Variants in GPC5 observed in about 807,000 individuals in gnomAD.
GPC5 encodes the protein glypican-5.
In GPC5, 47 loss-of-function variants were observed where a neutral mutation model predicts 53.9. The observed-to-expected ratio is 0.87, with a 90% CI of 0.69 to 1.11. GPC5 has a LOEUF of 1.11. Ranked by LOEUF, GPC5 falls within the 50% of genes most tolerant of loss-of-function variation. The probability of loss-of-function intolerance (pLI) is 0.00; values close to 1 mark genes in which losing one functional copy is unlikely to be tolerated. For missense variants in GPC5, 748 were observed against 713.1 expected (o/e 1.05, Z -0.56); for synonymous variants, 286 against 263.3 (o/e 1.09, Z -0.84).
intron 5 of GPC5, among the ~76,000 whole-genome samples, chr13:91,822,879 T>C (rs1481988377): frequency 6.6e-6 from 1 of 152,194 alleles, no homozygotes; most frequent in Admixed American, 6.5e-5. Context: ...TCTTCCTCTT[T>C]ATAAAGTTTT....
At chr13:91,852,256 T>A (rs180827498) in intron 5 of GPC5, among the ~76,000 whole-genome samples, 182 of 149,266 alleles carry the variant, frequency 1.2e-3, no homozygotes, top group African/African-American at 4.1e-3. Flanking sequence ...TTTTATGTTA[T>A]TTTGTTAAAA....
chr13:92,020,914 G>A (rs1468692948), intron 6 of GPC5, among the ~76,000 whole-genome samples: 1 of 151,974 alleles, frequency 6.6e-6, no homozygotes, highest in Non-Finnish European at 1.5e-5. Flanking sequence ...TGCCAAGACC[G>A]ATGGCATGAA....
At chr13:92,198,181 A>G (rs1032829192) in intron 7 of GPC5, among the ~76,000 whole-genome samples, 4 of 152,184 alleles carry the variant, frequency 2.6e-5, no homozygotes, top group African/African-American at 7.2e-5. Context: ...ATCCCAATCT[A>G]AAAATGTCTT....
intron 6 of GPC5, among the ~76,000 whole-genome samples, chr13:92,117,016 T>C (rs1249932584): frequency 1.3e-5 from 2 of 152,224 alleles, no homozygotes; most frequent in Non-Finnish European, 2.9e-5. Flanking sequence ...GCATCTTTCG[T>C]AGAGCAAAAA....
At chr13:92,058,535 T>C (rs1053383067) in intron 6 of GPC5, among the ~76,000 whole-genome samples, 1 of 152,206 alleles carries the variant, frequency 6.6e-6, no homozygotes, top group Non-Finnish European at 1.5e-5. Context: ...ACTCAAAGTC[T>C]GTAGTTTACA....
chr13:92,277,638 GT>G (rs1178558347), intron 7 of GPC5, among the ~76,000 whole-genome samples: 2 of 151,790 alleles, frequency 1.3e-5, no homozygotes, highest in African/African-American at 4.8e-5. Flanking sequence ...TTTTTACTTT[GT>G]TTTTTATCGT....
At chr13:92,595,043 C>A (rs1324369813) in intron 7 of GPC5, among the ~76,000 whole-genome samples, 2 of 152,160 alleles carry the variant, frequency 1.3e-5, no homozygotes, top group Non-Finnish European at 2.9e-5. Flanking sequence ...ATGGCATATA[C>A]ATTTTTTTAA....
chr13:92,378,997 T>C (rs2043716848), intron 7 of GPC5, among the ~76,000 whole-genome samples: 1 of 152,218 alleles, frequency 6.6e-6, no homozygotes, highest in Non-Finnish European at 1.5e-5. Flanking sequence ...AGAGATTACA[T>C]AATAAATGTA....
chr13:91,997,654 A>T (rs1469707680), intron 6 of GPC5, among the ~76,000 whole-genome samples: 2 of 152,114 alleles, frequency 1.3e-5, no homozygotes, highest in East Asian at 1.9e-4. Flanking sequence ...GAGTAGCTGG[A>T]ATTACAGATG....
chr13:92,127,806 T>C (rs2041711637), intron 6 of GPC5, among the ~76,000 whole-genome samples: 1 of 152,214 alleles, frequency 6.6e-6, no homozygotes, highest in African/African-American at 2.4e-5. Flanking sequence ...TGATAATGAA[T>C]TATTCATGTG....
chr13:91,548,149 T>C (rs180788248), intron 2 of GPC5, among the ~76,000 whole-genome samples: 6 of 152,240 alleles, frequency 3.9e-5, no homozygotes, highest in Admixed American at 3.9e-4. Flanking sequence ...AGAAAAGACA[T>C]ATAGCTTGGG....
At chr13:92,255,106 T>C (rs1338898930) in intron 7 of GPC5, among the ~76,000 whole-genome samples, 2 of 152,200 alleles carry the variant, frequency 1.3e-5, no homozygotes, top group African/African-American at 4.8e-5. Flanking sequence ...ATAAGTTGTA[T>C]GCAAATACTA....
chr13:92,201,718 A>C (rs2042296538), intron 7 of GPC5, among the ~76,000 whole-genome samples: 1 of 152,210 alleles, frequency 6.6e-6, no homozygotes, highest in Admixed American at 6.5e-5. Flanking sequence ...ATGTCTTGAA[A>C]GAGACAAAAG....
At chr13:92,715,440 T>TTCTTCC (rs1888296636) in intron 7 of GPC5, among the ~76,000 whole-genome samples, 1 of 152,206 alleles carries the variant, frequency 6.6e-6, no homozygotes, top group Non-Finnish European at 1.5e-5. Context: ...GAAGAAGGCT[T>TTCTTCC]AGGAAGGGAA....
At chr13:92,115,641 T>C (rs1353607746) in intron 6 of GPC5, among the ~76,000 whole-genome samples, 1 of 152,198 alleles carries the variant, frequency 6.6e-6, no homozygotes, top group Non-Finnish European at 1.5e-5. Context: ...AAGGAAGTCA[T>C]CCAGCAAGCA....
intron 5 of GPC5, among the ~76,000 whole-genome samples, chr13:91,804,288 T>A (rs2038185268): frequency 6.6e-6 from 1 of 151,496 alleles, no homozygotes. Context: ...TAGTCTCTGA[T>A]CAGGATGTTT....
intron 7 of GPC5, among the ~76,000 whole-genome samples, chr13:92,280,372 T>C (rs546454033): frequency 5.9e-5 from 9 of 152,314 alleles, no homozygotes; most frequent in African/African-American, 1.4e-4. Flanking sequence ...CTAAACTCTA[T>C]TAGTTCCTTC....
chr13:92,418,710 G>T (rs907106595), intron 7 of GPC5, among the ~76,000 whole-genome samples: 2 of 152,168 alleles, frequency 1.3e-5, no homozygotes, highest in Non-Finnish European at 2.9e-5. Flanking sequence ...GAGTCTCTCA[G>T]TAATTGTTTT....
At chr13:91,620,006 A>G (rs2033809274) in intron 2 of GPC5, among the ~76,000 whole-genome samples, 1 of 152,134 alleles carries the variant, frequency 6.6e-6, no homozygotes, top group Admixed American at 6.6e-5. Context: ...AGATAAAGCT[A>G]ACATCTTGGA....
Sources: gnomAD v4.1 joint callset for allele counts (sites outside exome capture counted in the v4.1 genomes callset) on GRCh38, gnomAD v4.1.1 for gene constraint, MANE v1.5 for transcripts, NCBI Gene and HGNC (gene_info 2026-07-23, HGNC 2026-07-21) for gene names.